Variants in IL17RB observed in about 807,000 individuals in gnomAD.
The protein encoded by IL17RB is interleukin-17 receptor B.
Under a neutral mutation model 43.9 loss-of-function variants are expected in IL17RB, and 36 were observed. The observed-to-expected ratio is 0.82, with a 90% CI of 0.63 to 1.08. The LOEUF (loss-of-function observed/expected upper bound fraction) is 1.08, where lower values mean the gene tolerates loss of function less well. Ranked by LOEUF, IL17RB falls within the 50% of genes least tolerant of loss-of-function variation. The pLI is 0.00. For missense variants in IL17RB, 613 were observed against 613.6 expected (o/e 1.00, Z 0.01); for synonymous variants, 225 against 225.4 (o/e 1.00, Z 0.02).
Position 53,846,661 on chromosome 3 carries a change from C to T in IL17RB, c.60+13C>T. The T allele has an allele frequency of 6.3e-7, 1 of 1,587,790 alleles. No individual in the cohort carries two copies. The highest frequency in any genetic ancestry group is 2.4e-5 in the East Asian group (1 of 42,546). ...ACCCCGAGAGCCGGTAAGCCCCCGC[C>T]AGCACCTCTTCCCTCATCTCCCGGC... On this transcript the variant is annotated intron_variant, in intron 1 of 10. Transcript: ENST00000288167.
Position 53,852,968 on chromosome 3 carries a change from C to A in IL17RB, c.452C>A (p.Pro151His). The A allele has an allele frequency of 6.2e-7, 1 of 1,614,002 alleles. No homozygotes were observed. The highest frequency in any genetic ancestry group is 8.5e-7 in the Non-Finnish European group (1 of 1,179,864). ...AATGCAAATATGAATGAAGATGGCCCTTCCATGTCTGTGAATTTCACCTCA... is the reference window on the plus strand; with the variant it reads ...AATGCAAATATGAATGAAGATGGCCATTCCATGTCTGTGAATTTCACCTCA... ...IPNANMNEDG[P>H]SMSVNFTSPG... The change falls in exon 5 of 11, where the codon CCT becomes CAT. Residue 151 changes from proline (P) to histidine (H), a missense_variant. Coordinates refer to ENST00000288167, the MANE Select transcript of IL17RB (RefSeq NM_018725.4).
chr3:53,864,843 T>C lies in IL17RB; in HGVS notation c.1044T>C (p.Ile348=), dbSNP rs780016162. The C allele has an allele frequency of 8.1e-6, 13 of 1,614,192 alleles. No homozygotes were observed. The highest frequency in any genetic ancestry group is 1.0e-5 in the Non-Finnish European group (12 of 1,180,000). ...YPSEICFHHT[I]CYFTEFLQNH... is the part of the protein sequence containing the mutation. ...CTGAAATATGTTTCCATCACACAAT[T>C]TGTTACTTCACTGAATTTCTTCAAA... The change falls in exon 11 of 11, where the codon ATT becomes ATC. Residue 348 remains isoleucine (I), a synonymous_variant. Transcript: ENST00000288167.
chr3:53,858,297 GTA>G, intron 8 of IL17RB: 53 of 994,332 alleles, frequency 5.3e-5, no homozygotes, highest in Non-Finnish European at 6.3e-5. Context: ...ACCAGCCAGG[GTA>G]TGATGGCTAC....
intron 10 of IL17RB, chr3:53,861,466 A>G (rs1699562360): frequency 6.6e-6 from 1 of 152,240 alleles, no homozygotes; most frequent in African/African-American, 2.4e-5. Context: ...ACCAGCAGAC[A>G]TGAAAACCTT....
At chr3:53,858,432 C>A in intron 8 of IL17RB, 2 of 1,168,906 alleles carry the variant, frequency 1.7e-6, no homozygotes. Flanking sequence ...TGTTTGTCTA[C>A]GTGGTAAGAT....
chr3:53,851,669 G>A (rs774102584), intron 3 of IL17RB, among the ~76,000 whole-genome samples: 4 of 152,168 alleles, frequency 2.6e-5, no homozygotes, highest in Non-Finnish European at 4.4e-5. Flanking sequence ...CCTCTTAAAA[G>A]AGACCCAGAA....
intron 3 of IL17RB, 95 bp downstream of exon 3, chr3:53,849,890 C>T: frequency 1.6e-6 from 2 of 1,217,308 alleles, no homozygotes; most frequent in Non-Finnish European, 2.3e-6. Flanking sequence ...CTACGCATAA[C>T]CAACAGAAAT....
At chr3:53,851,933 T>C in intron 3 of IL17RB, 66 bp from the exon 4 acceptor site, 1 of 1,528,004 alleles carries the variant, frequency 6.5e-7, no homozygotes, top group South Asian at 1.1e-5. Context: ...TAGTAAAGCA[T>C]CTAGCATCAA....
intron 9 of IL17RB, chr3:53,859,044 C>A: frequency 2.2e-6 from 1 of 445,480 alleles, no homozygotes; most frequent in Non-Finnish European, 4.0e-6. Flanking sequence ...CTTTACAAAG[C>A]AGGATACACA....
At position 53,865,445 on chromosome 3, in the gene IL17RB, T is replaced by G. The variant is rs1699753421; in HGVS notation, c.*137T>G. 1.6e-6 allele frequency: 1 copy of G among 629,380 alleles called. No homozygotes were observed. The highest frequency in any genetic ancestry group is 2.6e-6 in the Non-Finnish European group (1 of 387,872). 39.0% of individuals were successfully genotyped at this position (629,380 alleles called of 1,614,324 possible). ...TTAAAACATTTTATACCAATAAAAT[T>G]TTCAAATATTGCTAACTAATGTAGC... On this transcript the variant is annotated 3_prime_UTR_variant, in exon 11 of 11. Transcript: ENST00000288167.
intron 9 of IL17RB, 61 bp downstream of exon 9, chr3:53,858,879 C>G (rs1206802438): frequency 1.5e-6 from 2 of 1,313,232 alleles, no homozygotes; most frequent in Admixed American, 3.4e-5. Flanking sequence ...CACTGCCCCC[C>G]ACTCAGTATG....
At chr3:53,852,184 C>T (rs1699175676) in intron 4 of IL17RB, 58 bp downstream of exon 4, 1 of 1,515,442 alleles carries the variant, frequency 6.6e-7, no homozygotes, top group East Asian at 2.3e-5. Flanking sequence ...TTCTGTCACC[C>T]AGGCTGGAGT....
chr3:53,858,796 C>T lies in IL17RB; in HGVS notation c.825C>T (p.Gly275=), dbSNP rs756983808. ...CAGTTGTGCTCTGCCCACAAACAGG[C>T]GTCCCTTTCCCTCTGGATAACAGTA... The part of the protein sequence containing the change: ...KGTVVLCPQT[G]VPFPLDNNKS... Residue 275 remains glycine, a synonymous_variant, in exon 9 of 11, where the codon GGC becomes GGT. Coordinates refer to ENST00000288167, the MANE Select transcript of IL17RB (RefSeq NM_018725.4). The T allele has an allele frequency of 5.0e-6, 8 of 1,613,890 alleles. No homozygotes were observed. Among genetic ancestry groups the T allele is most frequent in the East Asian group, 2.2e-5 (1 of 44,894 alleles).
intron 5 of IL17RB, among the ~76,000 whole-genome samples, chr3:53,854,581 G>A (rs28741395): frequency 0.01 from 1,531 of 152,334 alleles, 19 homozygotes; most frequent in African/African-American, 0.034. Flanking sequence ...CCACAGAGGT[G>A]CCGGGCCCTT....
chr3:53,857,882 G>A (rs1042691226), intron 8 of IL17RB, 192 bp downstream of exon 8: 5 of 587,932 alleles, frequency 8.5e-6, no homozygotes, highest in Middle Eastern at 4.5e-4. Context: ...TGGCAGTTGT[G>A]GTCCCTTTTG....
chr3:53,850,462 A>G (rs1277445165), intron 3 of IL17RB, among the ~76,000 whole-genome samples: 3 of 146,346 alleles, frequency 2.0e-5, no homozygotes, highest in African/African-American at 5.1e-5. Flanking sequence ...GCACCACTGC[A>G]CTCCAGCAGC....
rs760618607 is a variant in IL17RB, at chr3:53,852,126, A to T, written c.354A>T (p.Lys118Asn). 18 of 1,612,636 alleles carry T rather than the reference A, an allele frequency of 1.1e-5. No homozygotes were observed. The Admixed American group carries it at 2.8e-4, about 25-fold the overall frequency. Residue 118 changes from lysine (K) to asparagine (N), a missense_variant and splice_region_variant, in exon 4 of 11, where the codon AAA becomes AAT. Coordinates refer to ENST00000288167, the MANE Select transcript of IL17RB (RefSeq NM_018725.4). ...FQTQTRPSGG[K>N]WTFSYIGFPV... ...CTCAGACCAGACCCTCTGGTGGTAA[A>T]GTAAGCACTTTTTTGTTTTTTGTTT...
chr3:53,851,838 C>G (rs559076842), intron 3 of IL17RB, among the ~76,000 whole-genome samples, 161 bp from the exon 4 acceptor site: 2 of 152,188 alleles, frequency 1.3e-5, no homozygotes, highest in African/African-American at 4.8e-5. Context: ...CTAAGCCTCA[C>G]GAACCCCATC....
chr3:53,864,905 A>C lies in IL17RB; in HGVS notation c.1106A>C (p.Gln369Pro). The C allele has an allele frequency of 6.2e-7, 1 of 1,614,250 alleles. No individual in the cohort carries two copies. The highest frequency in any genetic ancestry group is 8.5e-7 in the Non-Finnish European group (1 of 1,180,040). ...AGTGAGGTCATCCTTGAAAAGTGGC[A>C]GAAAAAGAAAATAGCAGAGATGGGT... ...CRSEVILEKW[Q>P]KKKIAEMGPV... The change falls in exon 11 of 11, where the codon CAG (glutamine) becomes CCG (proline). Residue 369 changes from glutamine to proline, a missense_variant. By Grantham distance (76) the Gln-to-Pro change is moderately conservative. Coordinates refer to ENST00000288167, the MANE Select transcript of IL17RB (RefSeq NM_018725.4).
Sources: gnomAD v4.1 joint callset for allele counts (sites outside exome capture counted in the v4.1 genomes callset) on GRCh38, gnomAD v4.1.1 for gene constraint, MANE v1.5 for transcripts, NCBI Gene and HGNC (gene_info 2026-07-23, HGNC 2026-07-21) for gene names.